Variants in OTOF observed in about 807,000 individuals in gnomAD.
OTOF encodes otoferlin, also known as fer-1-like family member 2.
Under a neutral mutation model 236.8 loss-of-function variants are expected in OTOF, and 218 were observed. That is an observed-to-expected ratio of 0.92 (90% confidence interval 0.82 to 1.03). OTOF has a LOEUF of 1.03. Among genes scored for constraint, OTOF ranks in the 50% least tolerant of loss-of-function variants. The probability of loss-of-function intolerance (pLI) is 0.00; values close to 1 mark genes in which losing one functional copy is unlikely to be tolerated. For missense variants in OTOF, 2,590 were observed against 2,694.4 expected, an observed-to-expected ratio of 0.96 and a Z score of 0.86; for synonymous variants, 1,041 against 1,072.5, an observed-to-expected ratio of 0.97 and a Z score of 0.57.
At chr2:26,548,860 T>C (rs1667396426) in intron 1 of OTOF, among the ~76,000 whole-genome samples, 1 of 152,218 alleles carries the variant, frequency 6.6e-6, no homozygotes. Context: ...GATGCATTTT[T>C]CAGAATGTAC....
intron 38 of OTOF, 122 bp from the exon 39 acceptor site, chr2:26,465,151 C>T: frequency 2.4e-6 from 2 of 818,116 alleles, no homozygotes; most frequent in Middle Eastern, 2.7e-4. Flanking sequence ...GAGCCTGATT[C>T]CTCCTGCCCT....
intron 5 of OTOF, among the ~76,000 whole-genome samples, chr2:26,511,359 C>G (rs1261679958): frequency 6.6e-6 from 1 of 152,130 alleles, no homozygotes; most frequent in South Asian, 2.1e-4. Context: ...GGGCTCAGAG[C>G]AGGGAAAAAC....
At chr2:26,498,066 A>G (rs748498985) in intron 8 of OTOF, among the ~76,000 whole-genome samples, 1 of 152,236 alleles carries the variant, frequency 6.6e-6, no homozygotes, top group African/African-American at 2.4e-5. Flanking sequence ...GCCAGCAGCA[A>G]GTCCTCTTCC....
chr2:26,480,152 G>A (rs370523955), intron 16 of OTOF, 51 bp downstream of exon 16: 184 of 1,054,776 alleles, frequency 1.7e-4, no homozygotes, highest in Non-Finnish European at 2.5e-4. Context: ...TGAAGCCCCC[G>A]TGGGCCCAGC....
In OTOF at chr2:26,467,118, C is replaced by A; in HGVS notation, c.4343G>T (p.Arg1448Leu). ...CCTGACCTTGAAGCGTCCCACAATGCGCTCCTCCTCGGTGGAGCCATCCTC... is the reference window on the plus strand; with the variant it reads ...CCTGACCTTGAAGCGTCCCACAATGAGCTCCTCCTCGGTGGAGCCATCCTC... ...DDEDGSTEEE[R>L]IVGRFKGSLC... Residue 1448 changes from arginine to leucine, a missense_variant, in exon 35 of 47, where the codon CGC (arginine) becomes CTC (leucine). Physicochemically the swap from Arg to Leu is moderately radical, Grantham distance 102. Transcript: ENST00000272371. The A allele has an allele frequency of 6.2e-7, 1 of 1,613,688 alleles. No individual in the cohort carries two copies. The highest frequency in any genetic ancestry group is 8.5e-7 in the Non-Finnish European group (1 of 1,180,000).
At chr2:26,487,948 C>T (rs562789304) in intron 11 of OTOF, among the ~76,000 whole-genome samples, 49 of 152,342 alleles carry the variant, frequency 3.2e-4, no homozygotes, top group African/African-American at 1.0e-3. Flanking sequence ...AGGGGTGCTA[C>T]TCCTAGATGG....
At chr2:26,537,888 A>G (rs747466666) in intron 1 of OTOF, 114 bp from the exon 2 acceptor site, 337 of 793,216 alleles carry the variant, frequency 4.2e-4, no homozygotes, top group Non-Finnish European at 6.3e-4. Flanking sequence ...TTCATGCAAC[A>G]TGGGACCTCG....
At chr2:26,459,050 G>T (rs1167994538) in intron 46 of OTOF, among the ~76,000 whole-genome samples, 1 of 152,214 alleles carries the variant, frequency 6.6e-6, no homozygotes, top group Admixed American at 6.5e-5. Flanking sequence ...TGCCTGGGGA[G>T]CTCTGAGCAC....
intron 3 of OTOF, among the ~76,000 whole-genome samples, chr2:26,525,895 T>A (rs917123253): frequency 6.6e-6 from 1 of 152,056 alleles, no homozygotes; most frequent in Admixed American, 6.5e-5. Flanking sequence ...GATACCAACC[T>A]GGCCAACATG....
intron 5 of OTOF, among the ~76,000 whole-genome samples, chr2:26,513,955 C>T (rs61597423): frequency 0.082 from 12,442 of 152,222 alleles, 1,135 homozygotes; most frequent in African/African-American, 0.23. Context: ...CCCTCCTCAC[C>T]TCAGCACTCC....
chr2:26,541,824 C>T (rs1188452226), intron 1 of OTOF, among the ~76,000 whole-genome samples: 1 of 152,218 alleles, frequency 6.6e-6, no homozygotes, highest in African/African-American at 2.4e-5. Context: ...AGAAAATAGC[C>T]TCTTCCTTGC....
chr2:26,473,156 A>T lies in OTOF; in HGVS notation c.3709T>A (p.Ser1237Thr). The part of the protein sequence containing the change: ...RRFIYRPPDR[S>T]APSWNTTVRL... ...CCCGTGGTGTTCCAGCTGGGGGCCG[A>T]GCGGTCTGGGGGCCGGTAGATGAAG... The change falls in exon 29 of 47, where the codon TCG (serine) becomes ACG (threonine). Residue 1237 changes from serine (S) to threonine (T), a missense_variant. Around this residue, in one of 2 missense-constraint regions of OTOF, gnomAD observed 1,211 missense variants for 1,352.8 expected, o/e 0.90. Transcript: ENST00000272371. This position sits in a 1 kb window ranked among gnomAD's most constrained non-coding sequence, Gnocchi z 7.2. The T allele has an allele frequency of 6.2e-7, 1 of 1,612,520 alleles. No individual in the cohort carries two copies.
At chr2:26,544,637 CT>C (rs1667286625) in intron 1 of OTOF, among the ~76,000 whole-genome samples, 1 of 152,124 alleles carries the variant, frequency 6.6e-6, no homozygotes, top group Non-Finnish European at 1.5e-5. Flanking sequence ...AGCAAAGTTG[CT>C]GTAAACATTC....
At position 26,473,182 on chromosome 2, in the gene OTOF, C is replaced by T. The variant is rs553313212; in HGVS notation, c.3683G>A (p.Arg1228His). The change falls in exon 29 of 47, where the codon CGC becomes CAC. Residue 1228 changes from arginine to histidine, a missense_variant. This residue lies in a region of OTOF where 1,211 missense variants were observed against 1,352.8 expected (regional missense o/e 0.90). Coordinates refer to ENST00000272371, the MANE Select transcript of OTOF (RefSeq NM_194248.3). The surrounding 1 kb of genome is among the most constrained non-coding windows in gnomAD (Gnocchi z 7.2). ...GCGGTCTGGGGGCCGGTAGATGAAG[C>T]GTCGCAGGGAGCTGACGGCATGGGA... ...VGSHAVSSLR[R>H]FIYRPPDRSA... The T allele has an allele frequency of 7.4e-6, 12 of 1,612,916 alleles. No individual in the cohort carries two copies. The highest frequency in any genetic ancestry group is 4.0e-5 in the African/African-American group (3 of 75,004).
intron 3 of OTOF, 140 bp from the exon 4 acceptor site, chr2:26,519,249 C>T: frequency 1.5e-6 from 1 of 673,220 alleles, no homozygotes; most frequent in East Asian, 2.7e-5. Context: ...GAGAAGGTGG[C>T]CCAGGAGCCA....
At chr2:26,530,947 C>G (rs13030516) in intron 2 of OTOF, among the ~76,000 whole-genome samples, 58,154 of 152,060 alleles carry the variant, frequency 0.38, 12,842 homozygotes, top group Admixed American at 0.52. Flanking sequence ...GGGGTTACTC[C>G]CATTTGGCCT....
At position 26,461,522 on chromosome 2, in the gene OTOF, G is replaced by GA. The variant is rs1664460290; in HGVS notation, c.5533+173dup. Among the ~76,000 whole-genome samples the GA allele has an allele frequency of 6.6e-6, 1 of 152,038 alleles. No individual in the cohort carries two copies. The highest frequency in any genetic ancestry group is 2.4e-5 in the African/African-American group (1 of 41,388). ...ATGACACTGAGAACATCTGCCTAGG[G>GA]ACGGTTAGGTGGGTCCTTGGGGGCG... On this transcript the variant is annotated intron_variant, in intron 43 of 46. Transcript: ENST00000272371. The surrounding 1 kb of genome is among the most constrained non-coding windows in gnomAD (Gnocchi z 6.2).
At chr2:26,551,434 C>G (rs1667460565) in intron 1 of OTOF, among the ~76,000 whole-genome samples, 1 of 152,234 alleles carries the variant, frequency 6.6e-6, no homozygotes. Context: ...CCTCCCTTCC[C>G]ATCTGCCCTT....
chr2:26,518,869 C>T, intron 4 of OTOF, 141 bp downstream of exon 4: 2 of 714,134 alleles, frequency 2.8e-6, no homozygotes, highest in East Asian at 2.7e-5. Flanking sequence ...CCAGCAGAGT[C>T]TGACCTGAGT....
Sources: allele counts gnomAD v4.1 joint callset (sites outside exome capture counted in the v4.1 genomes callset), GRCh38; gene constraint gnomAD v4.1.1; regional missense constraint gnomAD v4.1.1; non-coding constraint Gnocchi (gnomAD v3.1); transcripts MANE v1.5; gene names NCBI Gene and HGNC (gene_info 2026-07-23, HGNC 2026-07-21).